FMN1: variants seen among roughly 807,000 people sequenced by gnomAD.
FMN1 encodes formin-1.
Under a neutral mutation model 132.4 loss-of-function variants are expected in FMN1, and 110 were observed. The ratio of observed to expected loss-of-function variants is 0.83; its 90% CI spans 0.71 to 0.97. The LOEUF (loss-of-function observed/expected upper bound fraction) is 0.97, where lower values mean the gene tolerates loss of function less well. FMN1 is among the 50% of genes least tolerant of loss of function. FMN1 has a pLI of 0.00. For missense variants in FMN1, 1,792 were observed against 1,705.3 expected, an observed-to-expected ratio of 1.05 and a Z score of -0.90; for synonymous variants, 722 against 651.7, an observed-to-expected ratio of 1.11 and a Z score of -1.64.
At chr15:32,880,364 A>G (rs2059739793) in intron 16 of FMN1, among the ~76,000 whole-genome samples, 1 of 152,168 alleles carries the variant, frequency 6.6e-6, no homozygotes, top group Admixed American at 6.5e-5. Context: ...TACTAGTTGT[A>G]TAAAATCTCT....
intron 17 of FMN1, among the ~76,000 whole-genome samples, chr15:32,851,193 C>A (rs1205004935): frequency 6.6e-6 from 1 of 152,192 alleles, no homozygotes; most frequent in Non-Finnish European, 1.5e-5. Context: ...TGGCTCCATT[C>A]ATGGATGCCA....
rs923254162 is a variant in FMN1, at chr15:32,946,897, T to C, written c.3138+17210A>G. ...TTCCATCTACTACAATCAGGTAGCA[T>C]AGTTTCTTTTTATTACTGATTGGTA... On this transcript the variant is annotated intron_variant, in intron 9 of 20. Coordinates refer to ENST00000616417, the MANE Select transcript of FMN1 (RefSeq NM_001277313.2). Among the ~76,000 whole-genome samples, 6 of 152,316 alleles carry C rather than the reference T, an allele frequency of 3.9e-5. No individual in the cohort carries two copies. In the East Asian group the frequency reaches 9.6e-4, roughly 24 times the overall value.
At chr15:32,780,095 C>T (rs1264706824) in intron 19 of FMN1, among the ~76,000 whole-genome samples, 1 of 152,134 alleles carries the variant, frequency 6.6e-6, no homozygotes, top group African/African-American at 2.4e-5. Flanking sequence ...AAAAACATGA[C>T]AGTAATAGTG....
At chr15:33,151,703 T>A (rs1566954006) in intron 4 of FMN1, among the ~76,000 whole-genome samples, 1 of 151,772 alleles carries the variant, frequency 6.6e-6, no homozygotes, top group Non-Finnish European at 1.5e-5. Context: ...AATCTCTCTC[T>A]TAATAATCTC....
intron 16 of FMN1, among the ~76,000 whole-genome samples, chr15:32,871,104 G>A (rs957244714): frequency 1.3e-5 from 2 of 152,166 alleles, no homozygotes; most frequent in Non-Finnish European, 2.9e-5. Flanking sequence ...GAGGTACCGG[G>A]CCTCTGAAGG....
At chr15:32,953,698 A>G (rs990468442) in intron 9 of FMN1, among the ~76,000 whole-genome samples, 3 of 152,184 alleles carry the variant, frequency 2.0e-5, no homozygotes, top group African/African-American at 7.2e-5. Context: ...CTCTGCTAGG[A>G]GACGGAGGAA....
intron 18 of FMN1, among the ~76,000 whole-genome samples, chr15:32,799,363 T>A (rs1239438367): frequency 6.6e-6 from 1 of 152,174 alleles, no homozygotes; most frequent in African/African-American, 2.4e-5. Flanking sequence ...TCATTGGGAA[T>A]AATTAATCTG....
At chr15:32,866,816 T>C (rs998906767) in intron 16 of FMN1, among the ~76,000 whole-genome samples, 7 of 152,230 alleles carry the variant, frequency 4.6e-5, no homozygotes, top group African/African-American at 1.7e-4. Flanking sequence ...ATTCTGCATC[T>C]TGACTACTTC....
chr15:32,811,136 C>G (rs1315448399), intron 17 of FMN1: 2 of 455,192 alleles, frequency 4.4e-6, no homozygotes, highest in South Asian at 3.1e-5. Flanking sequence ...GAGAAGAAAA[C>G]AACAGATATT....
At chr15:32,800,109 A>G (rs1463888917) in intron 18 of FMN1, among the ~76,000 whole-genome samples, 1 of 152,172 alleles carries the variant, frequency 6.6e-6, no homozygotes, top group African/African-American at 2.4e-5. Flanking sequence ...GGCAATATGT[A>G]TCTCATAAGA....
At chr15:32,902,793 A>T (rs2060329396) in intron 12 of FMN1, among the ~76,000 whole-genome samples, 1 of 152,356 alleles carries the variant, frequency 6.6e-6, no homozygotes, top group Middle Eastern at 3.4e-3. Context: ...AGTTGGAAAG[A>T]GCGACATACT....
At chr15:33,024,199 G>A (rs1340523211) in intron 6 of FMN1, among the ~76,000 whole-genome samples, 1 of 145,714 alleles carries the variant, frequency 6.9e-6, no homozygotes, top group African/African-American at 2.5e-5. Context: ...AAAACTACAG[G>A]GAATACTATT....
intron 4 of FMN1, among the ~76,000 whole-genome samples, chr15:33,138,946 G>A (rs766012032): frequency 7.5e-5 from 9 of 119,964 alleles, no homozygotes; most frequent in South Asian, 3.0e-4. Context: ...GAGTAGGTTC[G>A]TCTAATCTCT....
intron 7 of FMN1, among the ~76,000 whole-genome samples, chr15:33,007,239 T>C (rs530495318): frequency 1.3e-5 from 2 of 152,296 alleles, no homozygotes; most frequent in South Asian, 4.1e-4. Flanking sequence ...GATCCACAGA[T>C]TGATTAAATT....
chr15:32,972,157 G>C (rs1596373448), intron 7 of FMN1, among the ~76,000 whole-genome samples: 1 of 152,278 alleles, frequency 6.6e-6, no homozygotes, highest in African/African-American at 2.4e-5. Context: ...TGCTATTTCA[G>C]TTTGCCGTCA....
At chr15:33,144,142 C>T (rs557558451) in intron 4 of FMN1, among the ~76,000 whole-genome samples, 3 of 152,292 alleles carry the variant, frequency 2.0e-5, no homozygotes, top group East Asian at 3.9e-4. Context: ...TTTAAGATTT[C>T]ACACTGAAAT....
chr15:32,781,648 T>C (rs2056667681), intron 19 of FMN1, among the ~76,000 whole-genome samples: 1 of 152,208 alleles, frequency 6.6e-6, no homozygotes, highest in African/African-American at 2.4e-5. Flanking sequence ...ACAATCTCCC[T>C]GCTATAAACC....
chr15:33,150,610 C>A, intron 4 of FMN1: 4 of 985,484 alleles, frequency 4.1e-6, no homozygotes, highest in Non-Finnish European at 4.8e-6. Context: ...AGTCTTGTAA[C>A]AAGGATAAGC....
chr15:33,107,981 G>A (rs1175524328), intron 4 of FMN1, among the ~76,000 whole-genome samples: 2 of 152,052 alleles, frequency 1.3e-5, no homozygotes, highest in Non-Finnish European at 2.9e-5. Context: ...AAATAACAAA[G>A]GTTTCAGTTT....
Sources: gnomAD v4.1 joint callset for allele counts (sites outside exome capture counted in the v4.1 genomes callset) on GRCh38, gnomAD v4.1.1 for gene constraint, MANE v1.5 for transcripts, NCBI Gene and HGNC (gene_info 2026-07-23, HGNC 2026-07-21) for gene names.